ALKAL1: variants seen among roughly 807,000 people sequenced by gnomAD.
ALKAL1 encodes the protein ALK and LTK ligand 1.
In ALKAL1, 23 loss-of-function variants were observed where a neutral mutation model predicts 13.5. That is an observed-to-expected ratio of 1.70 (90% confidence interval 1.23 to 2.41). The LOEUF (loss-of-function observed/expected upper bound fraction) is 2.41. ALKAL1 is among the 30% of genes most tolerant of loss of function. The pLI is 0.00. For synonymous variants in ALKAL1, 85 were observed against 77.7 expected (o/e 1.09, Z -0.49); for missense variants, 181 against 178.4 (o/e 1.01, Z -0.08).
At chr8:52,563,998 A>G (rs1847576298) in intron 1 of ALKAL1, among the ~76,000 whole-genome samples, 2 of 152,242 alleles carry the variant, frequency 1.3e-5, no homozygotes, top group South Asian at 4.1e-4. Context: ...GAATAAGTAT[A>G]TATTTATATC....
intron 1 of ALKAL1, among the ~76,000 whole-genome samples, chr8:52,561,071 A>AT (rs1292568533): frequency 1.3e-5 from 2 of 152,212 alleles, no homozygotes; most frequent in African/African-American, 2.4e-5. Context: ...ACAAAAAATG[A>AT]TTTTTAAAAA....
intron 1 of ALKAL1, among the ~76,000 whole-genome samples, chr8:52,559,977 G>C (rs1847530956): frequency 6.6e-6 from 1 of 151,958 alleles, no homozygotes; most frequent in Non-Finnish European, 1.5e-5. Context: ...CTTCCTAAAA[G>C]AAGAATTTAC....
chr8:52,546,731 G>T (rs537583566), intron 1 of ALKAL1, among the ~76,000 whole-genome samples: 1 of 152,238 alleles, frequency 6.6e-6, no homozygotes, highest in African/African-American at 2.4e-5. Flanking sequence ...GGACACAGCA[G>T]TAAGGACAAA....
rs1216572705 is a variant in ALKAL1, at chr8:52,564,428, T to C, written c.190+639A>G. Among the ~76,000 whole-genome samples the C allele has an allele frequency of 1.2e-3, 176 of 152,342 alleles. 1 individual carries two copies. The highest frequency in any genetic ancestry group is 3.4e-4 in the Non-Finnish European group (23 of 68,028). On this transcript the variant is annotated intron_variant, in intron 1 of 4. Coordinates refer to ENST00000358543, the MANE Select transcript of ALKAL1 (RefSeq NM_207413.4). Reference sequence around the variant, plus strand: ...GACTTCTCTGCCTGTGGATGTCTCATGACCCTCTAGAGCAGCGACTTTTTC... The same window carrying C: ...GACTTCTCTGCCTGTGGATGTCTCACGACCCTCTAGAGCAGCGACTTTTTC...
intron 3 of ALKAL1, among the ~76,000 whole-genome samples, chr8:52,539,097 T>C (rs1326440566): frequency 6.6e-6 from 1 of 152,068 alleles, no homozygotes; most frequent in Non-Finnish European, 1.5e-5. Context: ...TGGCCTTTTG[T>C]TTAAAAGTTG....
chr8:52,542,494 A>T (rs758208712), intron 1 of ALKAL1, 49 bp from the exon 2 acceptor site: 7 of 1,139,922 alleles, frequency 6.1e-6, no homozygotes, highest in Non-Finnish European at 9.0e-6. Flanking sequence ...CATTTCTCCC[A>T]TTTAAAAATA....
intron 1 of ALKAL1, among the ~76,000 whole-genome samples, chr8:52,560,244 T>C (rs933935557): frequency 6.6e-6 from 1 of 152,226 alleles, no homozygotes; most frequent in African/African-American, 2.4e-5. Context: ...TTTATTAATA[T>C]GTAAAAGACT....
At chr8:52,536,016 G>A (rs1160571204) in intron 4 of ALKAL1, among the ~76,000 whole-genome samples, 1 of 152,068 alleles carries the variant, frequency 6.6e-6, no homozygotes, top group South Asian at 2.1e-4. Flanking sequence ...TCAGCTCACC[G>A]TAATCTCCAC....
chr8:52,543,239 G>C (rs949665983), intron 1 of ALKAL1, among the ~76,000 whole-genome samples: 1 of 152,180 alleles, frequency 6.6e-6, no homozygotes, highest in Non-Finnish European at 1.5e-5. Context: ...GAGCCTCAAG[G>C]TTTGTTGGTA....
At chr8:52,553,721 A>C (rs926439641) in intron 1 of ALKAL1, among the ~76,000 whole-genome samples, 13 of 152,382 alleles carry the variant, frequency 8.5e-5, no homozygotes, top group East Asian at 7.7e-4. Context: ...ACTTGAAAAA[A>C]TACAAAATCA....
intron 1 of ALKAL1, among the ~76,000 whole-genome samples, chr8:52,556,376 G>C (rs549794265): frequency 6.6e-5 from 10 of 152,074 alleles, no homozygotes; most frequent in Non-Finnish European, 1.3e-4. Context: ...GGCCGGGCGC[G>C]GTGGCTCACG....
rs139377931 is a variant in ALKAL1, at chr8:52,552,103, C to T, written c.191-9658G>A. On this transcript the variant is annotated intron_variant, in intron 1 of 4. Coordinates refer to ENST00000358543, the MANE Select transcript of ALKAL1 (RefSeq NM_207413.4). ...CACTTAGTCATCATGTCTCCTTAGG[C>T]GCCTCTTGGCCGTGATAGTCTCTCA... 3.3e-5 allele frequency among the ~76,000 whole-genome samples: 5 copies of T among 152,204 alleles called. 1 individual carries two copies. Among genetic ancestry groups the T allele is most frequent in the South Asian group, 2.1e-4 (1 of 4,818 alleles).
At chr8:52,542,370 C>T in intron 2 of ALKAL1, 22 bp downstream of exon 2, 1 of 1,435,788 alleles carries the variant, frequency 7.0e-7, no homozygotes, top group Non-Finnish European at 9.7e-7. Flanking sequence ...TTAATGGAAT[C>T]ACTGATACAT....
intron 2 of ALKAL1, 76 bp from the exon 3 acceptor site, chr8:52,539,987 G>T: frequency 7.9e-7 from 1 of 1,273,840 alleles, no homozygotes; most frequent in South Asian, 1.3e-5. Flanking sequence ...CTTTATGGGT[G>T]GATATAATAC....
chr8:52,550,139 A>T (rs990387230), intron 1 of ALKAL1, among the ~76,000 whole-genome samples: 1 of 152,140 alleles, frequency 6.6e-6, no homozygotes, highest in African/African-American at 2.4e-5. Context: ...AAATAGAGGG[A>T]TGTATGTGTG....
At chr8:52,538,649 CTCA>C in intron 3 of ALKAL1, 142 bp from the exon 4 acceptor site, 1 of 605,688 alleles carries the variant, frequency 1.7e-6, no homozygotes, top group South Asian at 2.3e-5. Context: ...AATGGATTTT[CTCA>C]TCAATTCTTT....
In ALKAL1 at chr8:52,540,001, A is replaced by C. The variant is rs188502960; in HGVS notation, c.245-90T>G. On this transcript the variant is annotated intron_variant, in intron 2 of 4. Coordinates refer to ENST00000358543, the MANE Select transcript of ALKAL1 (RefSeq NM_207413.4). ...ACTTTATGGGTGGATATAATACAAC[A>C]GCACTTTACATCCTTCCATACCCTT... 5 of 1,059,422 alleles carry C rather than the reference A, an allele frequency of 4.7e-6. No individual in the cohort carries two copies. In the African/African-American group the frequency reaches 7.9e-5, roughly 17 times the overall value. The allele number at this position is 1,059,422 out of a possible 1,614,324, so 65.6% of individuals were successfully genotyped here.
At chr8:52,538,349 G>A (rs758856914) in intron 4 of ALKAL1, 82 bp downstream of exon 4, 338 of 779,812 alleles carry the variant, frequency 4.3e-4, no homozygotes, top group Non-Finnish European at 6.3e-4. Context: ...ATCATTATGT[G>A]TCAACTAAAA....
At chr8:52,544,940 G>A (rs1847355289) in intron 1 of ALKAL1, among the ~76,000 whole-genome samples, 2 of 152,000 alleles carry the variant, frequency 1.3e-5, no homozygotes, top group African/African-American at 2.4e-5. Context: ...TTTTGAGACA[G>A]GGTCTTGCTC....
Sources: gnomAD v4.1 joint callset for allele counts (sites outside exome capture counted in the v4.1 genomes callset) on GRCh38, gnomAD v4.1.1 for gene constraint, MANE v1.5 for transcripts, NCBI Gene and HGNC (gene_info 2026-07-23, HGNC 2026-07-21) for gene names.